Variants in SVOP observed in about 807,000 individuals in gnomAD.
The protein encoded by SVOP is synaptic vesicle 2-related protein.
A neutral mutation model predicts 69.1 loss-of-function variants in SVOP; 17 were observed. That is an observed-to-expected ratio of 0.25 (90% confidence interval 0.17 to 0.37). The LOEUF is 0.37. Ranked by LOEUF, SVOP falls within the 10% of genes least tolerant of loss-of-function variation. The probability of loss-of-function intolerance (pLI) is 1.00; values close to 1 mark genes in which losing one functional copy is unlikely to be tolerated. For missense variants in SVOP, 435 were observed against 597.5 expected (o/e 0.73, Z 2.84); for synonymous variants, 238 against 238.6 (o/e 1.00, Z 0.02).
intron 13 of SVOP, 108 bp downstream of exon 13, chr12:108,919,566 TG>T: frequency 1.3e-6 from 1 of 786,734 alleles, no homozygotes. Context: ...CACCTCCACC[TG>T]GGCTTACATT....
intron 5 of SVOP, among the ~76,000 whole-genome samples, chr12:108,968,500 C>CT (rs1162313178): frequency 1.3e-5 from 2 of 152,156 alleles, no homozygotes; most frequent in Non-Finnish European, 2.9e-5. Flanking sequence ...CTATGAATAT[C>CT]TGTGTTTTCT....
chr12:108,951,845 C>T lies in SVOP; in HGVS notation c.579-6679G>A, dbSNP rs150632387. The stretch of plus-strand genomic sequence containing the variant: ...AATATTTTCCGTCCCGGTATCTATG[C>T]ACCTTTGCAGTATGACTGCAGCACA... On this transcript the variant is annotated intron_variant, in intron 6 of 15. Transcript: ENST00000610966. Among the ~76,000 whole-genome samples the T allele has an allele frequency of 9.6e-4, 147 of 152,342 alleles. 1 individual carries two copies. The highest frequency in any genetic ancestry group is 3.3e-3 in the African/African-American group (138 of 41,578).
chr12:108,995,376 G>A (rs1433918447), intron 1 of SVOP, among the ~76,000 whole-genome samples: 1 of 152,058 alleles, frequency 6.6e-6, no homozygotes, highest in African/African-American at 2.4e-5. Flanking sequence ...GATATTATGC[G>A]GAGTGAAGTA....
Position 108,912,368 on chromosome 12 carries a change from C to T in SVOP, c.*167G>A. ...AAACATCTCCCCATCCCTGGGTGGACCTCAATGAAGATGAGCAAACTGAGT... is the reference window on the plus strand; with the variant it reads ...AAACATCTCCCCATCCCTGGGTGGATCTCAATGAAGATGAGCAAACTGAGT... On this transcript the variant is annotated 3_prime_UTR_variant, in exon 16 of 16. Transcript: ENST00000610966. 6.8e-7 allele frequency: 1 copy of T among 1,480,762 alleles called. No homozygotes were observed. The highest frequency in any genetic ancestry group is 8.9e-7 in the Non-Finnish European group (1 of 1,122,044). 91.7% of individuals were successfully genotyped at this position (1,480,762 alleles called of 1,614,324 possible). A position where few individuals can be genotyped will look rare whatever the true frequency, so the allele number is the denominator to read the frequency against.
intron 2 of SVOP, among the ~76,000 whole-genome samples, chr12:108,981,900 C>T (rs1250745961): frequency 1.3e-5 from 2 of 152,056 alleles, no homozygotes; most frequent in African/African-American, 4.8e-5. Flanking sequence ...CTATCACCAT[C>T]GTCTTCACTA....
chr12:108,923,379 G>A (rs2039761869), intron 11 of SVOP, among the ~76,000 whole-genome samples: 2 of 152,154 alleles, frequency 1.3e-5, no homozygotes. Flanking sequence ...GGAGCCTCTA[G>A]TTGCTGAGGG....
chr12:108,913,942 T>G (rs528514303), intron 15 of SVOP, among the ~76,000 whole-genome samples: 1 of 152,326 alleles, frequency 6.6e-6, no homozygotes, highest in African/African-American at 2.4e-5. Flanking sequence ...TGAGCCACCA[T>G]GCCCAGCCCA....
intron 1 of SVOP, among the ~76,000 whole-genome samples, chr12:109,009,113 C>T (rs1175474083): frequency 2.0e-5 from 3 of 151,766 alleles, no homozygotes; most frequent in Non-Finnish European, 4.4e-5. Flanking sequence ...AGGCGCGAGC[C>T]ACAACGCCTG....
At chr12:108,973,890 A>T (rs569917089) in intron 4 of SVOP, among the ~76,000 whole-genome samples, 1 of 152,186 alleles carries the variant, frequency 6.6e-6, no homozygotes, top group Non-Finnish European at 1.5e-5. Context: ...CAGAAGGGGC[A>T]CTGATGATGC....
chr12:109,010,372 GAGA>G (rs2040335251), intron 1 of SVOP, among the ~76,000 whole-genome samples: 1 of 152,118 alleles, frequency 6.6e-6, no homozygotes, highest in African/African-American at 2.4e-5. Flanking sequence ...AGACAGCCCA[GAGA>G]AGACTTTAGC....
chr12:108,949,403 G>C (rs1275904980), intron 6 of SVOP, among the ~76,000 whole-genome samples: 1 of 152,030 alleles, frequency 6.6e-6, no homozygotes, highest in Non-Finnish European at 1.5e-5. Flanking sequence ...AAGTAGCTGG[G>C]ATTACAGGTG....
chr12:109,000,109 T>TA (rs1284361594), intron 1 of SVOP, among the ~76,000 whole-genome samples: 3 of 151,782 alleles, frequency 2.0e-5, no homozygotes, highest in Non-Finnish European at 4.4e-5. Context: ...ATAGACACAA[T>TA]AAAAAATGAT....
chr12:108,921,398 G>A (rs528151466), intron 12 of SVOP, among the ~76,000 whole-genome samples: 1 of 152,280 alleles, frequency 6.6e-6, no homozygotes, highest in Admixed American at 6.5e-5. Context: ...AAGGATGCAA[G>A]TGCAAGGCAT....
chr12:108,988,961 C>T (rs139757576), intron 1 of SVOP, among the ~76,000 whole-genome samples: 101 of 151,134 alleles, frequency 6.7e-4, no homozygotes, highest in African/African-American at 2.3e-3. Flanking sequence ...TTAGTAAAGA[C>T]GGGGTTTCAC....
chr12:108,914,570 C>T (rs1194036549), intron 15 of SVOP, among the ~76,000 whole-genome samples: 1 of 151,964 alleles, frequency 6.6e-6, no homozygotes, highest in African/African-American at 2.4e-5. Context: ...TGTTTTCTTT[C>T]CTTTTTTTTT....
chr12:108,982,313 TTCATCATCATCACCATCA>T (rs1472434162), intron 2 of SVOP, among the ~76,000 whole-genome samples: 1 of 146,058 alleles, frequency 6.8e-6, no homozygotes, highest in Non-Finnish European at 1.5e-5. Context: ...CACCATCATT[TTCATCATCATCACCATCA>T]TCATCATCTT....
At chr12:108,913,410 A>C (rs558148624) in intron 15 of SVOP, among the ~76,000 whole-genome samples, 7 of 152,320 alleles carry the variant, frequency 4.6e-5, no homozygotes, top group African/African-American at 1.7e-4. Flanking sequence ...ATGCCATGCC[A>C]CAGCCCTATG....
chr12:109,019,630 G>A lies in SVOP; in HGVS notation c.35+1204C>T, dbSNP rs190047033. On this transcript the variant is annotated intron_variant, in intron 1 of 15. Coordinates refer to ENST00000610966, the MANE Select transcript of SVOP (RefSeq NM_018711.5). ...TTATGTACTGTTATATCTACGTCTG[G>A]ATATTATTACTGAACATCCTCTAGC... Among the ~76,000 whole-genome samples the A allele has an allele frequency of 3.7e-3, 562 of 152,058 alleles. 2 individuals carry two copies. The highest frequency in any genetic ancestry group is 4.6e-3 in the Non-Finnish European group (311 of 67,980).
chr12:108,953,068 G>C (rs2039965432), intron 6 of SVOP, among the ~76,000 whole-genome samples: 1 of 151,628 alleles, frequency 6.6e-6, no homozygotes, highest in Admixed American at 6.6e-5. Flanking sequence ...AGGAAGGGAG[G>C]AGAGAAGGAG....
Sources: gnomAD v4.1 joint callset for allele counts (sites outside exome capture counted in the v4.1 genomes callset) on GRCh38, gnomAD v4.1.1 for gene constraint, MANE v1.5 for transcripts, NCBI Gene and HGNC (gene_info 2026-07-23, HGNC 2026-07-21) for gene names.